The following TAL1 variants were observed in gnomAD, a reference collection of about 807,000 sequenced individuals.
The protein encoded by TAL1 is TAL bHLH transcription factor 1, erythroid differentiation factor, also known as T-cell acute lymphocytic leukemia protein 1.
In TAL1, 8 loss-of-function variants were observed where a neutral mutation model predicts 17.9. The ratio of observed to expected loss-of-function variants is 0.45; its 90% CI spans 0.26 to 0.81. The LOEUF is 0.81. Ranked by LOEUF, TAL1 falls within the 30% of genes least tolerant of loss-of-function variation. TAL1 has a pLI of 0.17. For synonymous variants in TAL1, 223 were observed against 218.6 expected (o/e 1.02, Z -0.18); for missense variants, 466 against 486.9 (o/e 0.96, Z 0.40).
chr1:47,218,014 C>A (rs1291693846), exon 4 of TAL1: 2 of 351,334 alleles, frequency 5.7e-6, no homozygotes, highest in Non-Finnish European at 1.0e-5. Context: ...GGGAAAGGAG[C>A]AGACATATTC....
chr1:47,226,736 G>A (rs1643918314), intron 1 of TAL1, among the ~76,000 whole-genome samples: 1 of 152,204 alleles, frequency 6.6e-6, no homozygotes. Flanking sequence ...CTGAAGTGAG[G>A]TCGAGTCTCA....
intron 1 of TAL1, chr1:47,228,331 C>T (rs1569927717): frequency 5.6e-6 from 1 of 179,634 alleles, no homozygotes; most frequent in Admixed American, 6.3e-5. Context: ...ATTTGGATTA[C>T]AGAAAGGAAC....
chr1:47,217,251 G>T (rs1213185315), exon 4 of TAL1: 1 of 356,262 alleles, frequency 2.8e-6, no homozygotes. Flanking sequence ...AGCCAGGTGT[G>T]GTGGCTCACA....
intron 1 of TAL1, among the ~76,000 whole-genome samples, chr1:47,226,725 T>C (rs1433962618): frequency 1.3e-5 from 2 of 152,320 alleles, no homozygotes; most frequent in East Asian, 3.9e-4. Context: ...TCAGCTGGAC[T>C]CTGAAGTGAG....
At chr1:47,217,784 G>A (rs970934564) in exon 4 of TAL1, 5 of 398,378 alleles carry the variant, frequency 1.3e-5, no homozygotes, top group Admixed American at 4.4e-5. Flanking sequence ...TAACTCAAGC[G>A]AATCCACGGT....
Position 47,224,048 on chromosome 1 carries a change from C to T in TAL1, c.497G>A (p.Arg166Gln), listed in dbSNP as rs562309163. Residue 166 changes from arginine (R) to glutamine (Q), a missense_variant, in exon 3 of 4, where the codon CGA becomes CAA. Arg to Gln is a conservative substitution (Grantham distance 43). Transcript: ENST00000294339. ...ATAGGGGGAAGGTCTCCTCTTCACT[C>T]GATTGTTGGTGGTGAACATAGGGAA... 3.7e-6 allele frequency: 6 copies of T among 1,613,880 alleles called. No individual in the cohort carries two copies. The highest frequency in any genetic ancestry group is 4.5e-5 in the East Asian group (2 of 44,870).
intron 3 of TAL1, among the ~76,000 whole-genome samples, chr1:47,220,602 A>T (rs114430116): frequency 1.3e-5 from 2 of 152,194 alleles, no homozygotes; most frequent in African/African-American, 4.8e-5. Context: ...TGACATAAAA[A>T]CTTGTGAAGT....
chr1:47,220,536 A>G (rs1643767819), intron 3 of TAL1, among the ~76,000 whole-genome samples: 1 of 152,180 alleles, frequency 6.6e-6, no homozygotes, highest in Non-Finnish European at 1.5e-5. Flanking sequence ...ATGTCTAAGG[A>G]GACAGACTCC....
exon 4 of TAL1, chr1:47,217,108 A>G (rs985647016): frequency 4.2e-6 from 1 of 236,212 alleles, no homozygotes; most frequent in Non-Finnish European, 8.3e-6. Context: ...GGCTGGGTGC[A>G]ATGGCTGACA....
chr1:47,224,195 C>A, intron 2 of TAL1, 97 bp from the exon 4 acceptor site: 1 of 1,157,362 alleles, frequency 8.6e-7, no homozygotes, highest in Non-Finnish European at 1.3e-6. Flanking sequence ...GAGCCCCCCA[C>A]CTCTGGGCAA....
intron 3 of TAL1, among the ~76,000 whole-genome samples, chr1:47,220,611 G>A (rs1643769969): frequency 6.6e-6 from 1 of 152,198 alleles, no homozygotes; most frequent in Non-Finnish European, 1.5e-5. Flanking sequence ...AACTTGTGAA[G>A]TGCCTTGGCT....
chr1:47,230,771 T>A (rs1643997747), upstream of TAL1: 1 of 152,212 alleles, frequency 6.6e-6, no homozygotes, highest in Admixed American at 6.5e-5. Flanking sequence ...GGTGATGGCA[T>A]TAGCAATTAC....
At chr1:47,229,328 C>A (rs1042178275) in exon 1 of TAL1, 2 of 199,016 alleles carry the variant, frequency 1.0e-5, no homozygotes, top group African/African-American at 4.6e-5. Context: ...CCTGCAGTTA[C>A]GCTGCGGTGT....
chr1:47,224,552 T>C (rs1453168802), intron 2 of TAL1, among the ~76,000 whole-genome samples: 1 of 151,986 alleles, frequency 6.6e-6, no homozygotes, highest in African/African-American at 2.4e-5. Flanking sequence ...ATGGTGTGCA[T>C]CTTGGTCACC....
At chr1:47,231,529 G>C (rs1342724099), upstream of TAL1, 1 of 234,048 alleles carries the variant, frequency 4.3e-6, no homozygotes, top group Non-Finnish European at 8.4e-6. Flanking sequence ...TGCCCAACAG[G>C]ACACAACGAA....
exon 4 of TAL1, chr1:47,218,735 A>G (rs1009015220): frequency 1.3e-5 from 3 of 233,282 alleles, no homozygotes; most frequent in Non-Finnish European, 1.7e-5. Context: ...TCAATTCGGA[A>G]CATAGACCAG....
chr1:47,219,745 G>A (rs1260172648), exon 4 of TAL1: 2 of 1,610,448 alleles, frequency 1.2e-6, no homozygotes, highest in Non-Finnish European at 1.7e-6. Context: ...TCCATCGGCG[G>A]CAGGCAGCAT....
chr1:47,225,948 G>A (rs914881044), intron 1 of TAL1, 59 bp from the exon 3 acceptor site: 72 of 1,516,512 alleles, frequency 4.7e-5, no homozygotes, highest in Non-Finnish European at 5.9e-5. Flanking sequence ...CTGACCCACC[G>A]ACGTGGGCTG....
exon 4 of TAL1, chr1:47,218,841 C>T (rs540641762): frequency 1.1e-4 from 26 of 240,864 alleles, no homozygotes; most frequent in Admixed American, 2.5e-4. Flanking sequence ...CACCAGCGTA[C>T]GCCCATCAGC....
Sources: gnomAD v4.1 joint callset for allele counts (sites outside exome capture counted in the v4.1 genomes callset) on GRCh38, gnomAD v4.1.1 for gene constraint, MANE v1.5 for transcripts, NCBI Gene and HGNC (gene_info 2026-07-23, HGNC 2026-07-21) for gene names.